The following PLCL1 variants were observed in gnomAD, a reference collection of about 807,000 sequenced individuals.
The protein encoded by PLCL1 is inactive phospholipase C-like protein 1.
A neutral mutation model predicts 84.4 loss-of-function variants in PLCL1; 41 were observed. The observed-to-expected ratio is 0.49, with a 90% CI of 0.38 to 0.63. PLCL1 has a LOEUF of 0.63. PLCL1 is among the 30% of genes least tolerant of loss of function. The probability of loss-of-function intolerance (pLI) is 0.00; values close to 1 mark genes in which losing one functional copy is unlikely to be tolerated. For synonymous variants in PLCL1, 490 were observed against 488.3 expected, an observed-to-expected ratio of 1.00 and a Z score of -0.05; for missense variants, 1,206 against 1,367.8, an observed-to-expected ratio of 0.88 and a Z score of 1.87.
At position 198,146,846 on chromosome 2, in the gene PLCL1, G is replaced by T. The variant is rs1284032189; in HGVS notation, c.3172G>T (p.Ala1058Ser). ...AIENMKQIQL[A>S]CLSCGLSKAP... ...AGAAAACATGAAGCAGATCCAGCTG[G>T]CATGCCTGTCCTGTGGACTGAGTAA... Residue 1058 changes from alanine (A) to serine (S), a missense_variant, in exon 6 of 6, where the codon GCA becomes TCA. Physicochemically the swap from Ala to Ser is moderately conservative, Grantham distance 99 (BLOSUM62 1). Transcript: ENST00000428675. 2 of 1,613,470 alleles carry T rather than the reference G, an allele frequency of 1.2e-6. No homozygotes were observed. Among genetic ancestry groups the T allele is most frequent in the Non-Finnish European group, 1.7e-6 (2 of 1,179,706 alleles).
At chr2:198,110,262 C>T (rs1009610068) in intron 5 of PLCL1, among the ~76,000 whole-genome samples, 1 of 151,826 alleles carries the variant, frequency 6.6e-6, no homozygotes, top group African/African-American at 2.4e-5. Context: ...TTACTTTTCC[C>T]CATAACGCTT....
intron 1 of PLCL1, among the ~76,000 whole-genome samples, chr2:198,055,561 G>C (rs2105872670): frequency 6.7e-6 from 1 of 148,664 alleles, no homozygotes; most frequent in South Asian, 2.1e-4. Context: ...GGTTTAGTTG[G>C]AGAAAACCGT....
chr2:197,805,034 C>T lies in PLCL1; in HGVS notation c.-66C>T, dbSNP rs1690436791. On this transcript the variant is annotated 5_prime_UTR_variant, in exon 1 of 6. Transcript: ENST00000428675. This position sits in a 1 kb window ranked among gnomAD's most constrained non-coding sequence, Gnocchi z 4.0. Reference sequence around the variant, plus strand: ...CTCCCGGTGCAGGAGCGCACCGGTGCCTAGCGGCTGGACTCCGCTGCCGGG... The same window carrying T: ...CTCCCGGTGCAGGAGCGCACCGGTGTCTAGCGGCTGGACTCCGCTGCCGGG... The T allele has an allele frequency of 7.1e-7, 1 of 1,409,208 alleles. No individual in the cohort carries two copies. Among genetic ancestry groups the T allele is most frequent in the South Asian group, 1.5e-5 (1 of 68,202 alleles). 87.3% of individuals were successfully genotyped at this position (1,409,208 alleles called of 1,614,324 possible).
At chr2:198,008,187 G>C (rs1690776715) in intron 1 of PLCL1, among the ~76,000 whole-genome samples, 1 of 151,844 alleles carries the variant, frequency 6.6e-6, no homozygotes, top group African/African-American at 2.4e-5. Context: ...CTTTGGGCTT[G>C]GTTTTAGATT....
At chr2:197,866,437 C>T (rs1369353596) in intron 1 of PLCL1, among the ~76,000 whole-genome samples, 2 of 151,798 alleles carry the variant, frequency 1.3e-5, no homozygotes, top group African/African-American at 4.8e-5. Context: ...AAGAATAGGG[C>T]TACTTACCTG....
chr2:198,086,834 C>A (rs1692896223), intron 2 of PLCL1, among the ~76,000 whole-genome samples: 2 of 151,988 alleles, frequency 1.3e-5, no homozygotes, highest in South Asian at 4.2e-4. Context: ...ACAATGGGAA[C>A]CAAGTAGAAT....
At chr2:197,900,758 A>C (rs1202077851) in intron 1 of PLCL1, among the ~76,000 whole-genome samples, 1 of 152,238 alleles carries the variant, frequency 6.6e-6, no homozygotes, top group East Asian at 1.9e-4. Context: ...GTCATAAATA[A>C]TGTTTTTTCA....
At chr2:197,951,126 C>G (rs928822356) in intron 1 of PLCL1, among the ~76,000 whole-genome samples, 1 of 152,056 alleles carries the variant, frequency 6.6e-6, no homozygotes, top group Non-Finnish European at 1.5e-5. Flanking sequence ...GGCTATAGAA[C>G]TTATGGTCCA....
intron 1 of PLCL1, among the ~76,000 whole-genome samples, chr2:198,052,059 G>A (rs769730412): frequency 5.8e-4 from 89 of 152,160 alleles, no homozygotes; most frequent in Non-Finnish European, 1.2e-3. Flanking sequence ...ACAGGCATGC[G>A]CCACCATGCC....
intron 3 of PLCL1, among the ~76,000 whole-genome samples, chr2:198,091,236 T>C (rs1693024621): frequency 6.6e-6 from 1 of 152,166 alleles, no homozygotes. Flanking sequence ...GACAGATACA[T>C]GTAATGATGA....
rs1296339514 is a variant in PLCL1 at position 197,980,766 on chromosome 2, C to T, written c.241-102992C>T. ...TGATCATAGCTAATACTATGGAGTTCTTATTATGTGTCAGGGCCTGTCCTG... is the reference window on the plus strand; with the variant it reads ...TGATCATAGCTAATACTATGGAGTTTTTATTATGTGTCAGGGCCTGTCCTG... On this transcript the variant is annotated intron_variant, in intron 1 of 5. Coordinates refer to ENST00000428675, the MANE Select transcript of PLCL1 (RefSeq NM_006226.4). 3.9e-5 allele frequency among the ~76,000 whole-genome samples: 6 copies of T among 152,060 alleles called. No individual in the cohort carries two copies. The East Asian group carries it at 9.6e-4, about 24-fold the overall frequency.
intron 1 of PLCL1, among the ~76,000 whole-genome samples, chr2:198,075,197 G>A (rs1213213154): frequency 6.6e-6 from 1 of 152,210 alleles, no homozygotes; most frequent in African/African-American, 2.4e-5. Context: ...CCTGAGGAAG[G>A]ACAGAATCGT....
At chr2:197,829,813 T>C (rs1367111608) in intron 1 of PLCL1, among the ~76,000 whole-genome samples, 2 of 152,192 alleles carry the variant, frequency 1.3e-5, no homozygotes, top group Admixed American at 1.3e-4. Context: ...TCCAGTGCTC[T>C]TTGCATGCTA....
At chr2:198,025,030 A>C (rs2105843390) in intron 1 of PLCL1, among the ~76,000 whole-genome samples, 2 of 152,202 alleles carry the variant, frequency 1.3e-5, no homozygotes, top group Middle Eastern at 6.8e-3. Flanking sequence ...CTTGATGTAT[A>C]ATTAGGCTTA....
chr2:197,997,181 G>GT (rs1254154111), intron 1 of PLCL1, among the ~76,000 whole-genome samples: 1 of 152,228 alleles, frequency 6.6e-6, no homozygotes, highest in Non-Finnish European at 1.5e-5. Flanking sequence ...TGTGCACAGC[G>GT]TAAGTGGCAC....
intron 1 of PLCL1, among the ~76,000 whole-genome samples, chr2:198,034,384 C>G (rs1691504412): frequency 6.6e-6 from 1 of 152,096 alleles, no homozygotes; most frequent in Non-Finnish European, 1.5e-5. Context: ...GGTATATACC[C>G]AAAGGATTAT....
chr2:197,855,750 C>T (rs1687320708), intron 1 of PLCL1, among the ~76,000 whole-genome samples: 2 of 152,124 alleles, frequency 1.3e-5, no homozygotes, highest in African/African-American at 4.8e-5. Flanking sequence ...AGTCTTTGTG[C>T]CTAGCCTTCT....
At chr2:197,968,040 A>G (rs1177067536) in intron 1 of PLCL1, among the ~76,000 whole-genome samples, 1 of 152,152 alleles carries the variant, frequency 6.6e-6, no homozygotes, top group Non-Finnish European at 1.5e-5. Flanking sequence ...ATTGAGCTTA[A>G]TTGTCTTTCA....
intron 5 of PLCL1, among the ~76,000 whole-genome samples, chr2:198,113,538 G>A (rs1693671232): frequency 6.6e-6 from 1 of 151,826 alleles, no homozygotes; most frequent in Non-Finnish European, 1.5e-5. Flanking sequence ...ATGAGAGTGT[G>A]CAATGGGATT....
Sources: gnomAD v4.1 joint callset for allele counts (sites outside exome capture counted in the v4.1 genomes callset) on GRCh38, gnomAD v4.1.1 for gene constraint, Gnocchi (gnomAD v3.1) non-coding constraint, MANE v1.5 for transcripts, NCBI Gene and HGNC (gene_info 2026-07-23, HGNC 2026-07-21) for gene names.